The following PARD3 variants were observed in gnomAD, a reference collection of about 807,000 sequenced individuals.
The protein encoded by PARD3 is partitioning defective 3 homolog.
A neutral mutation model predicts 155.4 loss-of-function variants in PARD3; 75 were observed. That is an observed-to-expected ratio of 0.48 (90% confidence interval 0.40 to 0.58). The LOEUF is 0.58. Ranked by LOEUF, PARD3 falls within the 20% of genes least tolerant of loss-of-function variation. PARD3 has a pLI of 0.00. For missense variants in PARD3, 1,642 were observed against 1,721.7 expected, an observed-to-expected ratio of 0.95 and a Z score of 0.82; for synonymous variants, 576 against 610.5, an observed-to-expected ratio of 0.94 and a Z score of 0.83.
intron 1 of PARD3, among the ~76,000 whole-genome samples, chr10:34,729,439 G>T (rs998709943): frequency 1.3e-5 from 2 of 150,612 alleles, no homozygotes; most frequent in Non-Finnish European, 2.9e-5. Flanking sequence ...GCTAAGGCAA[G>T]AGAACCACTT....
At chr10:34,394,498 G>GT (rs2132120406) in intron 7 of PARD3, among the ~76,000 whole-genome samples, 1 of 152,172 alleles carries the variant, frequency 6.6e-6, no homozygotes, top group African/African-American at 2.4e-5. Flanking sequence ...GCTAACTTTT[G>GT]TATTTTTTGC....
chr10:34,482,905 T>G (rs2079180505), intron 3 of PARD3, among the ~76,000 whole-genome samples: 1 of 151,938 alleles, frequency 6.6e-6, no homozygotes, highest in African/African-American at 2.4e-5. Context: ...TCCCAGCACT[T>G]TGGGAGGCCA....
At chr10:34,578,328 C>G (rs2087081227) in intron 2 of PARD3, among the ~76,000 whole-genome samples, 1 of 152,092 alleles carries the variant, frequency 6.6e-6, no homozygotes, top group African/African-American at 2.4e-5. Flanking sequence ...AGCATGCGAG[C>G]GTTGTTTATA....
At chr10:34,483,460 C>T (rs550431313) in intron 3 of PARD3, among the ~76,000 whole-genome samples, 3 of 126,626 alleles carry the variant, frequency 2.4e-5, no homozygotes, top group South Asian at 4.7e-4. Context: ...CAAGCCTGGA[C>T]GACAGAGTGA....
intron 22 of PARD3, among the ~76,000 whole-genome samples, chr10:34,168,342 C>T (rs1230164812): frequency 2.0e-5 from 3 of 152,174 alleles, no homozygotes; most frequent in East Asian, 3.8e-4. Flanking sequence ...AGTTTTTCTG[C>T]AAAATTATCT....
At chr10:34,223,946 C>T (rs1952452041) in intron 22 of PARD3, among the ~76,000 whole-genome samples, 1 of 152,172 alleles carries the variant, frequency 6.6e-6, no homozygotes, top group African/African-American at 2.4e-5. Flanking sequence ...CCAGCCTAAT[C>T]ACTTTTCTAA....
At chr10:34,259,971 T>C (rs1326197623) in intron 22 of PARD3, among the ~76,000 whole-genome samples, 2 of 152,110 alleles carry the variant, frequency 1.3e-5, no homozygotes, top group Admixed American at 1.3e-4. Context: ...GCCTCCCAAG[T>C]AGCTGTGACT....
chr10:34,716,585 CTTTT>C (rs34751073), intron 1 of PARD3, among the ~76,000 whole-genome samples: 2,304 of 73,328 alleles, frequency 0.031, 63 homozygotes, highest in African/African-American at 0.11. Context: ...GATGGCTTTT[CTTTT>C]TTTTTTTTTT....
At chr10:34,351,500 A>T (rs918146765) in intron 14 of PARD3, among the ~76,000 whole-genome samples, 4 of 152,258 alleles carry the variant, frequency 2.6e-5, no homozygotes, top group African/African-American at 9.6e-5. Flanking sequence ...GTGAACATAA[A>T]GCAACTAATG....
At chr10:34,642,249 A>C (rs1590368124) in intron 2 of PARD3, among the ~76,000 whole-genome samples, 6 of 144,280 alleles carry the variant, frequency 4.2e-5, no homozygotes, top group Admixed American at 1.4e-4. Context: ...TGTACTCTCC[A>C]CCTCCCTCTC....
intron 2 of PARD3, among the ~76,000 whole-genome samples, chr10:34,539,944 T>C (rs993871931): frequency 6.6e-6 from 1 of 152,226 alleles, no homozygotes; most frequent in Non-Finnish European, 1.5e-5. Context: ...ACTGTCACTT[T>C]AAGCTCTCTT....
intron 15 of PARD3, chr10:34,343,833 G>A: frequency 1.0e-6 from 1 of 980,614 alleles, no homozygotes; most frequent in Non-Finnish European, 1.2e-6. Flanking sequence ...AAGTAAACTA[G>A]TCAGTATCTT....
At chr10:34,279,228 C>T (rs77560532) in intron 21 of PARD3, among the ~76,000 whole-genome samples, 1 of 146,404 alleles carries the variant, frequency 6.8e-6, no homozygotes, top group Admixed American at 6.9e-5. Context: ...CAGCTCACTG[C>T]AGCCTCGAAC....
At chr10:34,406,383 ATCAG>A (rs1844477533) in intron 5 of PARD3, among the ~76,000 whole-genome samples, 1 of 152,212 alleles carries the variant, frequency 6.6e-6, no homozygotes, top group South Asian at 2.1e-4. Flanking sequence ...ACAGTAAGAA[ATCAG>A]TCAGAACCCA....
chr10:34,728,988 G>A (rs2094768524), intron 1 of PARD3, among the ~76,000 whole-genome samples: 1 of 152,136 alleles, frequency 6.6e-6, no homozygotes, highest in African/African-American at 2.4e-5. Context: ...GTACCACTCT[G>A]TTCTAACTGC....
intron 22 of PARD3, among the ~76,000 whole-genome samples, chr10:34,223,033 T>C (rs565528917): frequency 4.6e-5 from 7 of 152,246 alleles, no homozygotes; most frequent in African/African-American, 9.6e-5. Context: ...TGGGAACTCA[T>C]AGTAACCCTC....
chr10:34,539,728 T>C (rs1475545557), intron 2 of PARD3, among the ~76,000 whole-genome samples: 1 of 152,102 alleles, frequency 6.6e-6, no homozygotes, highest in African/African-American at 2.4e-5. Context: ...TGGATTGTCC[T>C]AGGTCTGCTG....
Position 34,644,040 on chromosome 10 carries a change from T to G in PARD3, c.222+52278A>C, listed in dbSNP as rs1220264193. 5.3e-5 allele frequency among the ~76,000 whole-genome samples: 8 copies of G among 152,224 alleles called. No individual in the cohort carries two copies. The East Asian group carries it at 1.3e-3, about 26-fold the overall frequency. Reference sequence around the variant, plus strand: ...GCGTGTGTTTTTCAGATTTTTAATTTACTGCTTGCATAAATTTTTTAGGCT... The same window carrying G: ...GCGTGTGTTTTTCAGATTTTTAATTGACTGCTTGCATAAATTTTTTAGGCT... On this transcript the variant is annotated intron_variant, in intron 2 of 24. Transcript: ENST00000374788.
At chr10:34,134,509 G>A (rs898725055) in intron 22 of PARD3, among the ~76,000 whole-genome samples, 2 of 152,252 alleles carry the variant, frequency 1.3e-5, no homozygotes, top group African/African-American at 4.8e-5. Context: ...GACAAAGGGA[G>A]TTGACCGAGT....
Sources: gnomAD v4.1 joint callset for allele counts (sites outside exome capture counted in the v4.1 genomes callset) on GRCh38, gnomAD v4.1.1 for gene constraint, MANE v1.5 for transcripts, NCBI Gene and HGNC (gene_info 2026-07-23, HGNC 2026-07-21) for gene names.